Variants in BSN observed in about 807,000 individuals in gnomAD.
The protein encoded by BSN is bassoon presynaptic cytomatrix protein.
BSN carries 57 observed loss-of-function variants against 264.8 expected under a neutral mutation model. That is an observed-to-expected ratio of 0.22 (90% confidence interval 0.17 to 0.27). The LOEUF (loss-of-function observed/expected upper bound fraction) is 0.27, where lower values mean the gene tolerates loss of function less well. Ranked by LOEUF, BSN falls within the 10% of genes least tolerant of loss-of-function variation. The pLI, the probability that BSN is intolerant of heterozygous loss-of-function variation, is 1.00. For synonymous variants in BSN, 2,059 were observed against 2,137.3 expected, an observed-to-expected ratio of 0.96 and a Z score of 1.01; for missense variants, 4,615 against 5,232.5, an observed-to-expected ratio of 0.88 and a Z score of 3.64.
chr3:49,663,483 G>T lies in BSN; in HGVS notation c.11325G>T (p.Gln3775His), dbSNP rs1210338531. The T allele has an allele frequency of 6.2e-7, 1 of 1,613,144 alleles. No individual in the cohort carries two copies. Among genetic ancestry groups the T allele is most frequent in the Non-Finnish European group, 8.5e-7 (1 of 1,179,992 alleles). ...TACCCTCTGGGGCAGCATCACGCCA[G>T]CCACAGACACAGCAGCAGCAGCAAG... ...RQIPSGAASR[Q>H]PQTQQQQQGL... Residue 3775 changes from glutamine (Q) to histidine (H), a missense_variant, in exon 7 of 12, where the codon CAG becomes CAT. Physicochemically the swap from Gln to His is conservative, Grantham distance 24. Coordinates refer to ENST00000296452, the MANE Select transcript of BSN (RefSeq NM_003458.4).
Position 49,657,419 on chromosome 3 carries a change from G to A in BSN, c.7863G>A (p.Glu2621=). ...AGACGGACGACGAAGACAGTGCTGA[G>A]TGGGAGCAGCCAGTGCGCCGCCGCA... The part of the protein sequence containing the change: ...SVQTDDEDSA[E]WEQPVRRRRS... Residue 2621 remains glutamate (E), a synonymous_variant, in exon 5 of 12, where the codon GAG becomes GAA. Transcript: ENST00000296452. 6.2e-7 allele frequency: 1 copy of A among 1,613,128 alleles called. No homozygotes were observed. Among genetic ancestry groups the A allele is most frequent in the South Asian group, 1.1e-5 (1 of 91,084 alleles).
chr3:49,642,395 C>A lies in BSN; in HGVS notation c.761C>A (p.Ala254Asp). ...GCCCTGTCTCCTGCCCACTCCCCGG[C>A]CAAACAGCCCCTGGGGAAGCCAGAC... Reference protein sequence around the residue: ...SPALSPAHSPAKQPLGKPDQE... With the variant: ...SPALSPAHSPDKQPLGKPDQE... The change falls in exon 3 of 12, where the codon GCC (alanine) becomes GAC (aspartate). Residue 254 changes from alanine to aspartate, a missense_variant. By Grantham distance (126) the Ala-to-Asp change is moderately radical. This residue lies in a region of BSN where 1,197 missense variants were observed against 1,348.0 expected (regional missense o/e 0.89). Coordinates refer to ENST00000296452, the MANE Select transcript of BSN (RefSeq NM_003458.4). The surrounding 1 kb of genome is among the most constrained non-coding windows in gnomAD (Gnocchi z 7.0). 6.2e-7 allele frequency: 1 copy of A among 1,601,014 alleles called. No homozygotes were observed. The highest frequency in any genetic ancestry group is 8.5e-7 in the Non-Finnish European group (1 of 1,173,810).
intron 1 of BSN, among the ~76,000 whole-genome samples, chr3:49,589,082 A>ATTTTTT (rs55919876): frequency 0.53 from 69,586 of 132,112 alleles, 19,690 homozygotes; most frequent in East Asian, 0.91. Flanking sequence ...GCCTGGCTAA[A>ATTTTTT]TTTTTTTTTT....
chr3:49,637,017 G>A (rs1257672081), intron 2 of BSN, among the ~76,000 whole-genome samples: 1 of 152,250 alleles, frequency 6.6e-6, no homozygotes, highest in Non-Finnish European at 1.5e-5. Context: ...GGCCAGTGGG[G>A]CCCTCCCAGG....
Position 49,653,759 on chromosome 3 carries a change from C to T in BSN, c.4203C>T (p.Ala1401=). 6.2e-7 allele frequency: 1 copy of T among 1,614,108 alleles called. No individual in the cohort carries two copies. The change falls in exon 5 of 12, where the codon GCC becomes GCT. Residue 1401 remains alanine, a synonymous_variant. Transcript: ENST00000296452. The surrounding 1 kb of genome is among the most constrained non-coding windows in gnomAD (Gnocchi z 6.3). ...TGCCACGAGGATATATGACTCCAGC[C>T]TCCCCAGCAGGCTCCGAGCGTAGTC... ...AGLPRGYMTP[A]SPAGSERSPS...
Position 49,657,978 on chromosome 3 carries a change from G to A in BSN, c.8422G>A (p.Asp2808Asn), listed in dbSNP as rs1446909945. ...ACCCCTGTCCCCTCACCGGCTCCTG[G>A]ACACCTCCTTTGCTTCCAGTGAGAG... ...VSPLSPHRLLDTSFASSERLN... is the reference protein window; with the variant it reads ...VSPLSPHRLLNTSFASSERLN... Residue 2808 changes from aspartate to asparagine, a missense_variant, in exon 5 of 12, where the codon GAC becomes AAC. Around this residue, in one of 3 missense-constraint regions of BSN, gnomAD observed 3,415 missense variants for 3,866.4 expected, o/e 0.88. Transcript: ENST00000296452. 1.9e-6 allele frequency: 3 copies of A among 1,611,848 alleles called. No homozygotes were observed. The highest frequency in any genetic ancestry group is 3.3e-5 in the Admixed American group (2 of 59,910).
chr3:49,607,743 A>T (rs894863979), intron 1 of BSN, among the ~76,000 whole-genome samples: 3 of 152,242 alleles, frequency 2.0e-5, no homozygotes, highest in African/African-American at 4.8e-5. Flanking sequence ...GTCAGGTAGG[A>T]ACATGGGCAT....
chr3:49,607,752 A>G (rs1474237814), intron 1 of BSN, among the ~76,000 whole-genome samples: 1 of 152,250 alleles, frequency 6.6e-6, no homozygotes, highest in Non-Finnish European at 1.5e-5. Context: ...GAACATGGGC[A>G]TCCCTGAATC....
Position 49,651,559 on chromosome 3 carries a change from C to G in BSN, c.2003C>G (p.Pro668Arg). The G allele has an allele frequency of 3.2e-6, 5 of 1,581,910 alleles. No individual in the cohort carries two copies. Among genetic ancestry groups the G allele is most frequent in the Non-Finnish European group, 4.3e-6 (5 of 1,162,178 alleles). ...GGEAEDLVGK[P>R]YSQDASRSPQ... Reference sequence around the variant, plus strand: ...CTGCTGCAGGACCTGGTGGGCAAGCCTTACTCTCAGGATGCGTCTCGGAGC... The same window carrying G: ...CTGCTGCAGGACCTGGTGGGCAAGCGTTACTCTCAGGATGCGTCTCGGAGC... The change falls in exon 5 of 12, where the codon CCT becomes CGT. Residue 668 changes from proline (P) to arginine (R), a missense_variant. This residue lies in a region of BSN where 1,197 missense variants were observed against 1,348.0 expected (regional missense o/e 0.89). Coordinates refer to ENST00000296452, the MANE Select transcript of BSN (RefSeq NM_003458.4). The surrounding 1 kb of genome is among the most constrained non-coding windows in gnomAD (Gnocchi z 5.4).
At chr3:49,664,013 G>A in intron 8 of BSN, 127 bp downstream of exon 8, 1 of 934,004 alleles carries the variant, frequency 1.1e-6, no homozygotes, top group East Asian at 2.6e-5. Flanking sequence ...GGTGCCCCAG[G>A]GGCTGTAGAC....
At position 49,655,888 on chromosome 3, in the gene BSN, A is replaced by G. The variant is rs769400330; in HGVS notation, c.6332A>G (p.Tyr2111Cys). 3.1e-6 allele frequency: 5 copies of G among 1,612,826 alleles called. No individual in the cohort carries two copies. The highest frequency in any genetic ancestry group is 2.2e-5 in the East Asian group (1 of 44,882). Residue 2111 changes from tyrosine (Y) to cysteine (C), a missense_variant, in exon 5 of 12, where the codon TAT becomes TGT. Around this residue, in one of 3 missense-constraint regions of BSN, gnomAD observed 3,415 missense variants for 3,866.4 expected, o/e 0.88. Transcript: ENST00000296452. ...GCTGCCCTCAACTCCATGGACCAGT[A>G]TGGTGGGCGGCATGGCAGTGGTGGT... ...MCAALNSMDQ[Y>C]GGRHGSGGGG...
rs1334565158 is a variant in BSN, at chr3:49,625,497, C to T, written c.633+114C>T. 2.7e-6 allele frequency: 3 copies of T among 1,094,932 alleles called. No individual in the cohort carries two copies. The highest frequency in any genetic ancestry group is 3.1e-5 in the East Asian group (1 of 32,164). The allele number at this position is 1,094,932 out of a possible 1,614,324, so 67.8% of individuals were successfully genotyped here. ...TTTCCTGGTCATTTCCCTTGACCACCAGCATTTGTGTCCTCCTGCAGGGAT... is the reference window on the plus strand; with the variant it reads ...TTTCCTGGTCATTTCCCTTGACCACTAGCATTTGTGTCCTCCTGCAGGGAT... On this transcript the variant is annotated intron_variant, in intron 2 of 11. Transcript: ENST00000296452. The surrounding 1 kb of genome is among the most constrained non-coding windows in gnomAD (Gnocchi z 4.4).
rs755795793 is a variant in BSN, at chr3:49,663,869, C to T, written c.11591C>T (p.Pro3864Leu). The stretch of plus-strand genomic sequence containing the variant: ...AGGGCTCCTCAGGCCCAGCCAGCAC[C>T]AGGACCTGGACCTGCAGGTGAGCCT... ...QGRAPQAQPAPGPGPAGVKAG... is the reference protein window; with the variant it reads ...QGRAPQAQPALGPGPAGVKAG... The change falls in exon 8 of 12, where the codon CCA becomes CTA. Residue 3864 changes from proline (P) to leucine (L), a missense_variant. Pro to Leu is a moderately conservative substitution (Grantham distance 98, BLOSUM62 -3). This residue lies in a region of BSN where 3,415 missense variants were observed against 3,866.4 expected (regional missense o/e 0.88). Coordinates refer to ENST00000296452, the MANE Select transcript of BSN (RefSeq NM_003458.4). 1 of 1,613,980 alleles carries T rather than the reference C, an allele frequency of 6.2e-7. No homozygotes were observed. Among genetic ancestry groups the T allele is most frequent in the South Asian group, 1.1e-5 (1 of 91,080 alleles).
At position 49,662,961 on chromosome 3, in the gene BSN, T is replaced by C. The variant is rs763123939; in HGVS notation, c.10803T>C (p.His3601=). The C allele has an allele frequency of 1.2e-6, 2 of 1,614,010 alleles. No homozygotes were observed. The highest frequency in any genetic ancestry group is 2.2e-5 in the East Asian group (1 of 44,884). The change falls in exon 7 of 12, where the codon CAT becomes CAC. Residue 3601 remains histidine, a synonymous_variant. Transcript: ENST00000296452. ...ACCGGTTCAGGCACCACGGGGGCCA[T>C]GCAGTTTCCTCCTCCTCCCAGAAGC... is the stretch of plus-strand genomic sequence containing the variant. ...RSDRFRHHGG[H]AVSSSSQKRG... is the part of the protein sequence containing the mutation.
intron 1 of BSN, among the ~76,000 whole-genome samples, chr3:49,589,035 C>T (rs1236772034): frequency 1.3e-5 from 2 of 151,134 alleles, no homozygotes; most frequent in African/African-American, 4.9e-5. Context: ...CTGCCTCAGC[C>T]TCCCGAGTAG....
chr3:49,569,075 G>A (rs1336123557), intron 1 of BSN, among the ~76,000 whole-genome samples: 2 of 152,168 alleles, frequency 1.3e-5, no homozygotes, highest in East Asian at 3.8e-4. Flanking sequence ...AGAGGAGTCA[G>A]GAGGAGCTCT....
At chr3:49,634,553 G>T (rs1313981574) in intron 2 of BSN, among the ~76,000 whole-genome samples, 1 of 152,070 alleles carries the variant, frequency 6.6e-6, no homozygotes, top group Admixed American at 6.6e-5. Context: ...CACCACACCC[G>T]GCTAAGTTTT....
chr3:49,602,477 A>C, intron 1 of BSN, among the ~76,000 whole-genome samples: 1 of 139,994 alleles, frequency 7.1e-6, no homozygotes, highest in African/African-American at 2.7e-5. Context: ...CCAGAGTCTC[A>C]CTCTGTCTCC....
intron 1 of BSN, among the ~76,000 whole-genome samples, chr3:49,624,413 C>G (rs2052327464): frequency 1.3e-5 from 2 of 150,206 alleles, no homozygotes; most frequent in Non-Finnish European, 3.0e-5. Flanking sequence ...ATTCTCCCAC[C>G]TCAGCCTCCC....
Sources: gnomAD v4.1 joint callset for allele counts (sites outside exome capture counted in the v4.1 genomes callset) on GRCh38, gnomAD v4.1.1 for gene constraint, gnomAD v4.1.1 regional missense constraint, Gnocchi (gnomAD v3.1) non-coding constraint, MANE v1.5 for transcripts, NCBI Gene and HGNC (gene_info 2026-07-23, HGNC 2026-07-21) for gene names.